The following GOPC variants were observed in gnomAD, a reference collection of about 807,000 sequenced individuals.
GOPC encodes the protein Golgi-associated PDZ and coiled-coil motif-containing protein.
GOPC carries 32 observed loss-of-function variants against 51.2 expected under a neutral mutation model. The ratio of observed to expected loss-of-function variants is 0.63; its 90% CI spans 0.47 to 0.84. The LOEUF (loss-of-function observed/expected upper bound fraction) is 0.84. GOPC is among the 40% of genes least tolerant of loss of function. The pLI, the probability that GOPC is intolerant of heterozygous loss-of-function variation, is 0.00. For missense variants in GOPC, 441 were observed against 555.5 expected, an observed-to-expected ratio of 0.79 and a Z score of 2.07; for synonymous variants, 190 against 205.1, an observed-to-expected ratio of 0.93 and a Z score of 0.63.
At chr6:117,593,074 T>A (rs1225918278) in intron 1 of GOPC, among the ~76,000 whole-genome samples, 1 of 152,096 alleles carries the variant, frequency 6.6e-6, no homozygotes, top group Non-Finnish European at 1.5e-5. Context: ...TACAGACCGG[T>A]TGCACCATAA....
intron 1 of GOPC, among the ~76,000 whole-genome samples, chr6:117,599,656 T>TA (rs1462287939): frequency 1.3e-5 from 2 of 152,160 alleles, no homozygotes; most frequent in African/African-American, 4.8e-5. Context: ...GTTTCAAGCA[T>TA]AAAAAATATG....
In GOPC at chr6:117,602,105, T is replaced by A; in HGVS notation, c.184A>T (p.Ile62Phe). 1.2e-6 allele frequency: 2 copies of A among 1,614,130 alleles called. No homozygotes were observed. The highest frequency in any genetic ancestry group is 1.7e-6 in the Non-Finnish European group (2 of 1,180,018). ...ATCTTCTGTCGCCCCTCATAAGTGA[T>A]GTCCGCTTGGTCTGGATCGATCTCT... ...LGEIDPDQAD[I>F]TYEGRQKMTS... The change falls in exon 1 of 9, where the codon ATC becomes TTC. Residue 62 changes from isoleucine (I) to phenylalanine (F), a missense_variant. Ile to Phe is a conservative substitution (Grantham distance 21, BLOSUM62 0). This residue lies in a region of GOPC where 204 missense variants were observed against 219.8 expected (regional missense o/e 0.93). Transcript: ENST00000368498.
In GOPC at chr6:117,560,411, T is replaced by C. The variant is rs1583044571; in HGVS notation, c.*2843A>G. ...AATACATTATCATAAATGCAATAGATTTGAGGCCAACCATAAGTGTAAGAC... is the reference window on the plus strand; with the variant it reads ...AATACATTATCATAAATGCAATAGACTTGAGGCCAACCATAAGTGTAAGAC... On this transcript the variant is annotated 3_prime_UTR_variant, in exon 9 of 9. Coordinates refer to ENST00000368498, the MANE Select transcript of GOPC (RefSeq NM_020399.4). 1.1e-5 allele frequency: 2 copies of C among 187,982 alleles called. No individual in the cohort carries two copies. Among genetic ancestry groups the C allele is most frequent in the South Asian group, 2.0e-4 (1 of 5,122 alleles). The allele number at this position is 187,982 out of a possible 1,614,324, so 11.6% of individuals were successfully genotyped here. A position where few individuals can be genotyped will look rare whatever the true frequency, so the allele number is the denominator to read the frequency against.
At chr6:117,563,487 C>A (rs2114598211) in intron 8 of GOPC, 103 bp from the exon 9 acceptor site, 4 of 1,070,884 alleles carry the variant, frequency 3.7e-6, no homozygotes, top group East Asian at 4.8e-5. Flanking sequence ...TTTGAGAGGC[C>A]AAGGTGGGTG....
chr6:117,569,613 C>A lies in GOPC; in HGVS notation c.1036G>T (p.Asp346Tyr), dbSNP rs746140915. ...ILAVNGVNLR[D>Y]TKHKEAVTIL... ...GTTACAGCTTCTTTATGCTTTGTGT[C>A]CCTTAGGTTAACTCCGTTGACTGCC... Residue 346 changes from aspartate to tyrosine, a missense_variant, in exon 7 of 9, where the codon GAC (aspartate) becomes TAC (tyrosine). This residue lies in a region of GOPC where 166 missense variants were observed against 267.0 expected (regional missense o/e 0.62). Transcript: ENST00000368498. 1 of 1,613,048 alleles carries A rather than the reference C, an allele frequency of 6.2e-7. No individual in the cohort carries two copies. Among genetic ancestry groups the A allele is most frequent in the Non-Finnish European group, 8.5e-7 (1 of 1,179,656 alleles).
intron 1 of GOPC, among the ~76,000 whole-genome samples, chr6:117,587,310 T>C (rs1441455935): frequency 3.3e-5 from 5 of 152,058 alleles, no homozygotes; most frequent in African/African-American, 9.7e-5. Flanking sequence ...GCACTTTTTA[T>C]CCAGATATGA....
intron 1 of GOPC, among the ~76,000 whole-genome samples, chr6:117,586,475 C>CTTTTTTTTTTT: frequency 1.1e-5 from 1 of 91,936 alleles, no homozygotes; most frequent in Non-Finnish European, 2.1e-5. Context: ...CACAGAGATT[C>CTTTTTTTTTTT]TTTTTTTTTT....
chr6:117,564,181 T>G (rs960142342), intron 8 of GOPC, among the ~76,000 whole-genome samples: 1 of 152,088 alleles, frequency 6.6e-6, no homozygotes, highest in Non-Finnish European at 1.5e-5. Flanking sequence ...GGGTTCACTA[T>G]GTTGCCCAGG....
chr6:117,568,692 T>C (rs1279453331), intron 7 of GOPC, among the ~76,000 whole-genome samples: 3 of 152,184 alleles, frequency 2.0e-5, no homozygotes, highest in African/African-American at 7.2e-5. Flanking sequence ...GTAGCTGTCA[T>C]GGAGACACAG....
chr6:117,596,811 C>G (rs1420391871), intron 1 of GOPC, among the ~76,000 whole-genome samples: 1 of 152,056 alleles, frequency 6.6e-6, no homozygotes, highest in East Asian at 1.9e-4. Flanking sequence ...AGTATAAAGT[C>G]AGGTAACCTA....
At position 117,576,479 on chromosome 6, in the gene GOPC, C is replaced by G. The variant is rs1247000399; in HGVS notation, c.474+969G>C. On this transcript the variant is annotated intron_variant, in intron 3 of 8. Transcript: ENST00000368498. Reference sequence around the variant, plus strand: ...TTTGGAGATACAAACAAAAATCTTTCTTATGACATGTTAAAGTTGATGCAA... The same window carrying G: ...TTTGGAGATACAAACAAAAATCTTTGTTATGACATGTTAAAGTTGATGCAA... Among the ~76,000 whole-genome samples, 5 of 152,008 alleles carry G rather than the reference C, an allele frequency of 3.3e-5. 1 individual carries two copies. The highest frequency in any genetic ancestry group is 2.9e-5 in the Non-Finnish European group (2 of 67,920).
intron 1 of GOPC, among the ~76,000 whole-genome samples, chr6:117,583,934 GA>G (rs1339331839): frequency 2.6e-5 from 4 of 152,098 alleles, no homozygotes; most frequent in African/African-American, 9.7e-5. Context: ...TTTGAGAATT[GA>G]AAACAAAATC....
chr6:117,563,378 T>A lies in GOPC; in HGVS notation c.1265A>T (p.Asn422Ile), dbSNP rs1433719709. Reference sequence around the variant, plus strand: ...ATGTGTGTCAGTTACTGCCTTCTTATTAAATCCTGAAAGAAAGGAGAAAAA... The same window carrying A: ...ATGTGTGTCAGTTACTGCCTTCTTAATAAATCCTGAAAGAAAGGAGAAAAA... The part of the protein sequence containing the change: ...SGEIKVLQGF[N>I]KKAVTDTHEN... The change falls in exon 9 of 9, where the codon AAT (asparagine) becomes ATT (isoleucine). Residue 422 changes from asparagine (N) to isoleucine (I), a missense_variant. By Grantham distance (149) the Asn-to-Ile change is moderately radical. Transcript: ENST00000368498. 4 of 1,612,798 alleles carry A rather than the reference T, an allele frequency of 2.5e-6. No homozygotes were observed. The highest frequency in any genetic ancestry group is 2.5e-6 in the Non-Finnish European group (3 of 1,179,634).
intron 7 of GOPC, among the ~76,000 whole-genome samples, 177 bp from the exon 8 acceptor site, chr6:117,567,211 C>T (rs1779716431): frequency 6.6e-6 from 1 of 152,156 alleles, no homozygotes; most frequent in African/African-American, 2.4e-5. Flanking sequence ...CATGTCTGAT[C>T]AGCCTCGTGA....
chr6:117,581,994 A>G (rs1326882460), intron 1 of GOPC, among the ~76,000 whole-genome samples: 2 of 152,144 alleles, frequency 1.3e-5, no homozygotes, highest in East Asian at 3.9e-4. Flanking sequence ...AGAGCATCAT[A>G]TCCTTGCCTT....
chr6:117,598,057 A>C (rs1780226285), intron 1 of GOPC, among the ~76,000 whole-genome samples: 1 of 152,126 alleles, frequency 6.6e-6, no homozygotes, highest in Non-Finnish European at 1.5e-5. Flanking sequence ...ACTCAAATGT[A>C]GAAGCTAAAA....
chr6:117,573,707 A>C lies in GOPC; in HGVS notation c.651-75T>G, dbSNP rs1779839261. The C allele has an allele frequency of 3.2e-6, 4 of 1,240,560 alleles. No individual in the cohort carries two copies. In the Admixed American group the frequency reaches 7.3e-5, roughly 23 times the overall value. 76.8% of individuals were successfully genotyped at this position (1,240,560 alleles called of 1,614,324 possible). ...TGAGAATTCAGGAAAATTAGTGAACATAAGTAGCTTTTGCATGAATCTCAA... is the reference window on the plus strand; with the variant it reads ...TGAGAATTCAGGAAAATTAGTGAACCTAAGTAGCTTTTGCATGAATCTCAA... On this transcript the variant is annotated intron_variant, in intron 4 of 8. Transcript: ENST00000368498.
At chr6:117,595,715 T>C (rs1780187581) in intron 1 of GOPC, among the ~76,000 whole-genome samples, 1 of 152,224 alleles carries the variant, frequency 6.6e-6, no homozygotes, top group Non-Finnish European at 1.5e-5. Context: ...TTGCTGCAAG[T>C]GCCACTATTT....
At chr6:117,566,709 A>T (rs563894015) in intron 8 of GOPC, 145 bp downstream of exon 8, 2 of 536,618 alleles carry the variant, frequency 3.7e-6, no homozygotes, top group South Asian at 6.8e-5. Context: ...AGCATAGTAT[A>T]CAATAAAACA....
Sources: gnomAD v4.1 joint callset for allele counts (sites outside exome capture counted in the v4.1 genomes callset) on GRCh38, gnomAD v4.1.1 for gene constraint, gnomAD v4.1.1 regional missense constraint, MANE v1.5 for transcripts, NCBI Gene and HGNC (gene_info 2026-07-23, HGNC 2026-07-21) for gene names.